DIAPH2: variants seen among roughly 807,000 people sequenced by gnomAD.
DIAPH2 encodes protein diaphanous homolog 2.
A neutral mutation model predicts 92.7 loss-of-function variants in DIAPH2; 35 were observed. That is an observed-to-expected ratio of 0.38 (90% CI 0.29 to 0.50). The LOEUF is 0.50. Among genes scored for constraint, DIAPH2 ranks in the 20% least tolerant of loss-of-function variants. The probability of loss-of-function intolerance (pLI) is 0.94; values close to 1 mark genes in which losing one functional copy is unlikely to be tolerated. For synonymous variants in DIAPH2, 301 were observed against 280.4 expected, an observed-to-expected ratio of 1.07 and a Z score of -0.73; for missense variants, 701 against 819.5, an observed-to-expected ratio of 0.86 and a Z score of 1.77.
chrX:96,854,422 C>G (rs1286034604), intron 4 of DIAPH2, among the ~76,000 whole-genome samples: 4 of 105,638 alleles, frequency 3.8e-5, no homozygotes, highest in Non-Finnish European at 3.9e-5. Context: ...AAATAAAATT[C>G]TTAACCAAGT....
chrX:97,195,310 G>A (rs2067692447), intron 22 of DIAPH2, among the ~76,000 whole-genome samples: 1 of 111,681 alleles, frequency 9.0e-6, no homozygotes, highest in Non-Finnish European at 1.9e-5. Context: ...GTCCCTTGAA[G>A]TATAATTGGA....
intron 22 of DIAPH2, among the ~76,000 whole-genome samples, chrX:97,203,756 G>A (rs1201501921): frequency 9.0e-6 from 1 of 111,630 alleles, no homozygotes; most frequent in Non-Finnish European, 1.9e-5. Context: ...AGAGGAGCCG[G>A]TACCATTCCT....
At chrX:97,242,860 C>G (rs1386451259) in intron 22 of DIAPH2, among the ~76,000 whole-genome samples, 1 of 109,861 alleles carries the variant, frequency 9.1e-6, no homozygotes, top group Non-Finnish European at 1.9e-5. Context: ...GATCTCAGCT[C>G]ACTACAAGCT....
intron 4 of DIAPH2, among the ~76,000 whole-genome samples, chrX:96,769,924 G>A (rs1162568663): frequency 1.8e-5 from 2 of 112,093 alleles, no homozygotes; most frequent in African/African-American, 6.5e-5. Context: ...ATGGCTGGGC[G>A]CCGTGGCTCA....
intron 1 of DIAPH2, among the ~76,000 whole-genome samples, chrX:96,718,301 A>G (rs750914263): frequency 6.3e-4 from 44 of 70,155 alleles, no homozygotes; most frequent in African/African-American, 2.4e-3. Context: ...ATGGCTGGAT[A>G]GTACTCCATT....
chrX:97,185,045 G>A (rs954514865), intron 22 of DIAPH2, among the ~76,000 whole-genome samples: 3 of 106,308 alleles, frequency 2.8e-5, no homozygotes, highest in African/African-American at 6.9e-5. Flanking sequence ...TTGGGAGGCC[G>A]AGGCAGGTGG....
intron 9 of DIAPH2, 35 bp from the exon 10 acceptor site, chrX:96,930,697 TG>T: frequency 9.5e-7 from 1 of 1,047,481 alleles, no homozygotes; most frequent in African/African-American, 1.8e-5. Context: ...TAATTTAATG[TG>T]TTTTTTTAAA....
At chrX:97,297,604 CTT>C (rs11356320) in intron 23 of DIAPH2, among the ~76,000 whole-genome samples, 1,883 of 72,892 alleles carry the variant, frequency 0.026, 11 homozygotes, top group Non-Finnish European at 0.032. Flanking sequence ...TTTTAGTGCA[CTT>C]TTTTTTTTTT....
intron 4 of DIAPH2, among the ~76,000 whole-genome samples, chrX:96,846,143 CTTT>C (rs10564194): frequency 1.4e-3 from 133 of 92,837 alleles, no homozygotes; most frequent in East Asian, 2.5e-3. Context: ...TAGCGTTATA[CTTT>C]TTTTTTTTTT....
At chrX:96,961,219 T>C (rs1029348196) in intron 16 of DIAPH2, among the ~76,000 whole-genome samples, 1 of 110,795 alleles carries the variant, frequency 9.0e-6, no homozygotes, top group Non-Finnish European at 1.9e-5. Flanking sequence ...GTCCTGGGGC[T>C]TTTCTTTACT....
chrX:96,831,191 A>G (rs1317307274), intron 4 of DIAPH2, among the ~76,000 whole-genome samples: 3 of 110,850 alleles, frequency 2.7e-5, no homozygotes, highest in Non-Finnish European at 5.7e-5. Context: ...CTTGTCATTC[A>G]GGTCTCAGCT....
intron 23 of DIAPH2, among the ~76,000 whole-genome samples, chrX:97,253,664 C>T (rs2068210390): frequency 1.8e-5 from 2 of 110,856 alleles, no homozygotes; most frequent in Non-Finnish European, 3.8e-5. Flanking sequence ...GCAGAAGAAT[C>T]GCTTGAACCC....
chrX:97,490,288 C>CT lies in DIAPH2; in HGVS notation c.3241+60557dup, dbSNP rs371647348. Among the ~76,000 whole-genome samples the CT allele has an allele frequency of 6.6e-3, 597 of 90,237 alleles. 1 individual carries two copies. Among genetic ancestry groups the CT allele is most frequent in the Middle Eastern group, 0.022 (4 of 180 alleles). The allele number at this position is 90,237 out of a possible 115,157, so 78.4% of individuals were successfully genotyped here. A position where few individuals can be genotyped will look rare whatever the true frequency, so the allele number is the denominator to read the frequency against. ...TCATCTTTCATTTCTGATTTTGAAT[C>CT]TTTTTTTTTTTTTTAGTATAAGGAT... On this transcript the variant is annotated intron_variant, in intron 26 of 26. Transcript: ENST00000324765.
intron 4 of DIAPH2, among the ~76,000 whole-genome samples, chrX:96,868,655 A>G (rs2065119788): frequency 9.0e-6 from 1 of 111,592 alleles, no homozygotes; most frequent in Non-Finnish European, 1.9e-5. Flanking sequence ...TCACATTGAC[A>G]GTGGTCTGCA....
intron 23 of DIAPH2, among the ~76,000 whole-genome samples, chrX:97,329,131 T>G (rs1194819808): frequency 8.9e-6 from 1 of 112,097 alleles, no homozygotes; most frequent in African/African-American, 3.2e-5. Context: ...CAGAACTTAT[T>G]GGGCATGTTT....
chrX:96,806,393 TC>T (rs1342660274), intron 4 of DIAPH2, among the ~76,000 whole-genome samples: 1 of 110,394 alleles, frequency 9.1e-6, no homozygotes, highest in Non-Finnish European at 1.9e-5. Context: ...ATGCCTGTAA[TC>T]CCAGCACTTT....
chrX:96,753,220 CTG>C (rs1453265542), intron 3 of DIAPH2, among the ~76,000 whole-genome samples: 1 of 111,859 alleles, frequency 8.9e-6, no homozygotes, highest in Non-Finnish European at 1.9e-5. Context: ...TTACAGGAGA[CTG>C]AAATTTAACC....
At chrX:97,183,645 G>A (rs1170483683) in intron 22 of DIAPH2, among the ~76,000 whole-genome samples, 1 of 111,998 alleles carries the variant, frequency 8.9e-6, no homozygotes, top group Admixed American at 9.5e-5. Flanking sequence ...TTTTAAAGCT[G>A]TTATTTCAGA....
At chrX:96,993,401 A>G (rs2066084474) in intron 17 of DIAPH2, among the ~76,000 whole-genome samples, 1 of 112,372 alleles carries the variant, frequency 8.9e-6, no homozygotes, top group Non-Finnish European at 1.9e-5. Context: ...AAGAGGTTTA[A>G]TCGGCTTATG....
Sources: gnomAD v4.1 joint callset for allele counts (sites outside exome capture counted in the v4.1 genomes callset) on GRCh38, gnomAD v4.1.1 for gene constraint, MANE v1.5 for transcripts, NCBI Gene and HGNC (gene_info 2026-07-23, HGNC 2026-07-21) for gene names.